OTOF: variants seen among roughly 807,000 people sequenced by gnomAD.
The protein encoded by OTOF is otoferlin.
In OTOF, 218 loss-of-function variants were observed where a neutral mutation model predicts 236.8. That is an observed-to-expected ratio of 0.92 (90% CI 0.82 to 1.03). The LOEUF is 1.03. Ranked by LOEUF, OTOF falls within the 50% of genes least tolerant of loss-of-function variation. OTOF has a pLI of 0.00. For synonymous variants in OTOF, 1,041 were observed against 1,072.5 expected, an observed-to-expected ratio of 0.97 and a Z score of 0.57; for missense variants, 2,590 against 2,694.4, an observed-to-expected ratio of 0.96 and a Z score of 0.86.
chr2:26,482,408 T>G lies in OTOF; in HGVS notation c.1577A>C (p.Lys526Thr). 6.2e-7 allele frequency: 1 copy of G among 1,613,154 alleles called. No homozygotes were observed. The highest frequency in any genetic ancestry group is 8.5e-7 in the Non-Finnish European group (1 of 1,179,972). The change falls in exon 14 of 47, where the codon AAA (lysine) becomes ACA (threonine). Residue 526 changes from lysine (K) to threonine (T), a missense_variant and splice_region_variant. By Grantham distance (78) the Lys-to-Thr change is moderately conservative. Coordinates refer to ENST00000272371, the MANE Select transcript of OTOF (RefSeq NM_194248.3). ...DLRKISNDGD[K>T]GFLPTLGPAW... is the part of the protein sequence containing the mutation. ...ACACCGGGTCTCCCGCTGCTGACCT[T>G]TGTCTCCGTCATTAGAAATCTTGCG...
chr2:26,483,000 T>G (rs147862058), intron 13 of OTOF, among the ~76,000 whole-genome samples: 2 of 47,304 alleles, frequency 4.2e-5, no homozygotes, highest in Non-Finnish European at 8.7e-5. Flanking sequence ...TGGGTGCATG[T>G]GTGCATGTGT....
chr2:26,489,991 C>T (rs571215296), intron 9 of OTOF, among the ~76,000 whole-genome samples: 1 of 152,350 alleles, frequency 6.6e-6, no homozygotes, highest in East Asian at 1.9e-4. Flanking sequence ...GAACTTGGAA[C>T]AGTAGGTGGG....
chr2:26,471,227 T>C, intron 30 of OTOF, 77 bp from the exon 31 acceptor site: 3 of 1,532,120 alleles, frequency 2.0e-6, no homozygotes, highest in Non-Finnish European at 2.7e-6. Context: ...TAGCACAGGG[T>C]GTGTGGAGGA....
intron 46 of OTOF, among the ~76,000 whole-genome samples, chr2:26,459,508 T>G (rs1664351758): frequency 7.0e-6 from 1 of 142,844 alleles, no homozygotes; most frequent in Non-Finnish European, 1.5e-5. Flanking sequence ...GCCAAGATTG[T>G]GCCACTGCAC....
intron 11 of OTOF, among the ~76,000 whole-genome samples, chr2:26,486,463 T>C (rs2148063707): frequency 1.3e-5 from 2 of 152,260 alleles, no homozygotes; most frequent in East Asian, 3.9e-4. Flanking sequence ...GATGGATGGA[T>C]ACAGGGGTAG....
chr2:26,527,456 G>T (rs888095801), intron 3 of OTOF, among the ~76,000 whole-genome samples: 8 of 152,196 alleles, frequency 5.3e-5, no homozygotes, highest in African/African-American at 1.9e-4. Flanking sequence ...GTGTCTCTTG[G>T]AGGAGATCAT....
chr2:26,485,628 G>A (rs964362910), intron 11 of OTOF, among the ~76,000 whole-genome samples: 14 of 152,192 alleles, frequency 9.2e-5, no homozygotes, highest in East Asian at 5.8e-4. Flanking sequence ...TCTGCTTCCC[G>A]GGATGTTAGG....
rs530465810 is a variant in OTOF at position 26,480,368 on chromosome 2, G to T, written c.1804-57C>A. 4.6e-5 allele frequency: 48 copies of T among 1,050,082 alleles called. No homozygotes were observed. The African/African-American group carries it at 5.9e-4, about 13-fold the overall frequency. The allele number at this position is 1,050,082 out of a possible 1,614,324, so 65.0% of individuals were successfully genotyped here. A position where few individuals can be genotyped will look rare whatever the true frequency, so the allele number is the denominator to read the frequency against. On this transcript the variant is annotated intron_variant, in intron 15 of 46. Coordinates refer to ENST00000272371, the MANE Select transcript of OTOF (RefSeq NM_194248.3). ...CTTGAGTAAGGGTGGCAGGTCGGGGGCCAGGCCTCCTTCCGTCTCACAGAC... is the reference window on the plus strand; with the variant it reads ...CTTGAGTAAGGGTGGCAGGTCGGGGTCCAGGCCTCCTTCCGTCTCACAGAC...
At position 26,461,567 on chromosome 2, in the gene OTOF, T is replaced by G; in HGVS notation, c.5533+129A>C. Reference sequence around the variant, plus strand: ...GGGGCGGAACCCCGTCGGACACCCCTGGCTCTGATGGACTGGAAGCAATGA... The same window carrying G: ...GGGGCGGAACCCCGTCGGACACCCCGGGCTCTGATGGACTGGAAGCAATGA... On this transcript the variant is annotated intron_variant, in intron 43 of 46. Transcript: ENST00000272371. The surrounding 1 kb of genome is among the most constrained non-coding windows in gnomAD (Gnocchi z 6.2). The G allele has an allele frequency of 7.8e-7, 1 of 1,288,854 alleles. No homozygotes were observed. Among genetic ancestry groups the G allele is most frequent in the South Asian group, 1.3e-5 (1 of 78,366 alleles). 79.8% of individuals were successfully genotyped at this position (1,288,854 alleles called of 1,614,324 possible).
In OTOF at chr2:26,558,525, CT is replaced by C; in HGVS notation, c.46del (p.Arg16GlyfsTer8). ...HLKTVSELRG[R>X]GDRIAKVTFR... ...AGTCACTTTGGCGATCCGGTCGCCCCTGCCCCGCAGCTCCGAGACTGTCTTG... is the reference window on the plus strand; with the variant it reads ...AGTCACTTTGGCGATCCGGTCGCCCCGCCCCGCAGCTCCGAGACTGTCTTG... On this transcript the variant is annotated frameshift_variant, in exon 1 of 47. Coordinates refer to ENST00000272371, the MANE Select transcript of OTOF (RefSeq NM_194248.3). LOFTEE classifies it high-confidence loss of function. 6.2e-7 allele frequency: 1 copy of C among 1,614,070 alleles called. No homozygotes were observed. Among genetic ancestry groups the C allele is most frequent in the Middle Eastern group, 1.6e-4 (1 of 6,062 alleles).
At chr2:26,478,607 G>A (rs1474953262) in intron 18 of OTOF, among the ~76,000 whole-genome samples, 3 of 152,188 alleles carry the variant, frequency 2.0e-5, no homozygotes, top group Non-Finnish European at 4.4e-5. Flanking sequence ...GGGCAGAGGA[G>A]GAGGGGGCAG....
chr2:26,543,063 G>C (rs954574351), intron 1 of OTOF, among the ~76,000 whole-genome samples: 1 of 152,178 alleles, frequency 6.6e-6, no homozygotes, highest in African/African-American at 2.4e-5. Context: ...ACAAAGCTCA[G>C]CAAATAGTCC....
intron 24 of OTOF, 36 bp from the exon 25 acceptor site, chr2:26,475,529 CA>C (rs766853451): frequency 2.5e-6 from 4 of 1,604,564 alleles, no homozygotes; most frequent in East Asian, 4.5e-5. Context: ...GGACAAGTGA[CA>C]GAGGGGGGGG....
rs201349303 is a variant in OTOF at position 26,497,089 on chromosome 2, C to CTTTTT, written c.766-2021_766-2017dup. ...TAAGCATGGACCTCTGTACATTCTT[C>CTTTTT]TTTTTTTTTTTTTTTTTTTTTTTTT... On this transcript the variant is annotated intron_variant, in intron 8 of 46. Coordinates refer to ENST00000272371, the MANE Select transcript of OTOF (RefSeq NM_194248.3). Among the ~76,000 whole-genome samples, 45 of 97,776 alleles carry CTTTTT rather than the reference C, an allele frequency of 4.6e-4. 1 individual carries two copies. Among genetic ancestry groups the CTTTTT allele is most frequent in the Non-Finnish European group, 8.0e-4 (36 of 44,984 alleles). The allele number at this position is 97,776 out of a possible 152,430, so 64.1% of individuals were successfully genotyped here.
At position 26,480,256 on chromosome 2, in the gene OTOF, G is replaced by A; in HGVS notation, c.1859C>T (p.Ser620Leu). 6.2e-7 allele frequency: 1 copy of A among 1,613,094 alleles called. No homozygotes were observed. Residue 620 changes from serine to leucine, a missense_variant, in exon 16 of 47, where the codon TCA (serine) becomes TTA (leucine). By Grantham distance (145) the Ser-to-Leu change is moderately radical. Coordinates refer to ENST00000272371, the MANE Select transcript of OTOF (RefSeq NM_194248.3). ...GTCTCCGTTTCTCCGGTCGATCATT[G>A]AGGCCTCCAGGAAGGCTCCAAAGAG... is the stretch of plus-strand genomic sequence containing the variant. ...FFLFGAFLEA[S>L]MIDRRNGDKP...
chr2:26,471,048 A>G, intron 31 of OTOF, 73 bp downstream of exon 31: 2 of 1,562,062 alleles, frequency 1.3e-6, no homozygotes, highest in Admixed American at 3.3e-5. Flanking sequence ...CTGATGCTGG[A>G]CCCTTTGGCC....
In OTOF at chr2:26,473,143, C is replaced by T. The variant is rs1228660770; in HGVS notation, c.3722G>A (p.Trp1241Ter). 5 of 1,612,174 alleles carry T rather than the reference C, an allele frequency of 3.1e-6. No individual in the cohort carries two copies. The highest frequency in any genetic ancestry group is 2.7e-5 in the African/African-American group (2 of 74,918). The change falls in exon 29 of 47, where the codon TGG becomes TAG. Residue 1241 changes from tryptophan to a stop codon, truncating the protein, a stop_gained. Transcript: ENST00000272371. LOFTEE classifies it high-confidence loss of function. This position sits in a 1 kb window ranked among gnomAD's most constrained non-coding sequence, Gnocchi z 7.2. ...GGATGTGGCCATACCCGTGGTGTTC[C>T]AGCTGGGGGCCGAGCGGTCTGGGGG... ...YRPPDRSAPS[W>*]NTTVRLLRRC... is the part of the protein sequence containing the mutation.
chr2:26,491,647 C>T lies in OTOF; in HGVS notation c.898-1907G>A, dbSNP rs553272128. ...TTTTCAGCAGGAGGAAGGATGGTGG[C>T]GCTCCCAAGATGCCCAGGGCGGGGC... On this transcript the variant is annotated intron_variant, in intron 9 of 46. Coordinates refer to ENST00000272371, the MANE Select transcript of OTOF (RefSeq NM_194248.3). Among the ~76,000 whole-genome samples the T allele has an allele frequency of 2.6e-5, 4 of 152,104 alleles. No homozygotes were observed. In the South Asian group the frequency reaches 8.3e-4, roughly 32 times the overall value.
At position 26,472,553 on chromosome 2, in the gene OTOF, A is replaced by G; in HGVS notation, c.3830T>C (p.Ile1277Thr). 1 of 1,613,546 alleles carries G rather than the reference A, an allele frequency of 6.2e-7. No individual in the cohort carries two copies. The highest frequency in any genetic ancestry group is 8.5e-7 in the Non-Finnish European group (1 of 1,180,026). ...VVVTMEPEVP[I>T]KKLETMVKLD... Reference sequence around the variant, plus strand: ...CTTCACCATGGTCTCCAGTTTCTTGATGGGTACCTCTGGCTCCATAGTCAC... The same window carrying G: ...CTTCACCATGGTCTCCAGTTTCTTGGTGGGTACCTCTGGCTCCATAGTCAC... Residue 1277 changes from isoleucine to threonine, a missense_variant, in exon 30 of 47, where the codon ATC becomes ACC. Ile to Thr is a moderately conservative substitution (Grantham distance 89). Coordinates refer to ENST00000272371, the MANE Select transcript of OTOF (RefSeq NM_194248.3).
Sources: allele counts gnomAD v4.1 joint callset (sites outside exome capture counted in the v4.1 genomes callset), GRCh38; gene constraint gnomAD v4.1.1; non-coding constraint Gnocchi (gnomAD v3.1); transcripts MANE v1.5; gene names NCBI Gene and HGNC (gene_info 2026-07-23, HGNC 2026-07-21).